The following SLC25A20 variants were observed in gnomAD, a reference collection of about 807,000 sequenced individuals.
The protein encoded by SLC25A20 is solute carrier family 25 member 20.
Under a neutral mutation model 39.7 loss-of-function variants are expected in SLC25A20, and 29 were observed. The ratio of observed to expected loss-of-function variants is 0.73; its 90% CI spans 0.54 to 1.00. The LOEUF is 1.00. SLC25A20 is among the 50% of genes least tolerant of loss of function. The pLI is 0.00. For synonymous variants in SLC25A20, 103 were observed against 142.2 expected (o/e 0.72, Z 1.96); for missense variants, 333 against 379.9 (o/e 0.88, Z 1.03).
At chr3:48,870,921 G>A (rs2083710139) in intron 4 of SLC25A20, among the ~76,000 whole-genome samples, 1 of 151,466 alleles carries the variant, frequency 6.6e-6, no homozygotes, top group African/African-American at 2.4e-5. Context: ...CCACCTCCCG[G>A]GTTAAGTGAT....
At chr3:48,896,648 T>C (rs935158341) in intron 1 of SLC25A20, among the ~76,000 whole-genome samples, 3 of 151,922 alleles carry the variant, frequency 2.0e-5, no homozygotes, top group Non-Finnish European at 4.4e-5. Flanking sequence ...TTAGCTGGGA[T>C]TACAGGCACC....
In SLC25A20 at chr3:48,858,632, C is replaced by G; in HGVS notation, c.719-1G>C. On this transcript the variant is annotated splice_acceptor_variant, in intron 7 of 8. Coordinates refer to ENST00000319017, the MANE Select transcript of SLC25A20 (RefSeq NM_000387.6). LOFTEE classifies it high-confidence loss of function. ...CCATTAGGATATTTCCCAGGAGGTG[C>G]TGTGGGGCAGAACCCAATTTTTAAG... 1 of 1,614,144 alleles carries G rather than the reference C, an allele frequency of 6.2e-7. No homozygotes were observed. The highest frequency in any genetic ancestry group is 8.5e-7 in the Non-Finnish European group (1 of 1,180,014).
chr3:48,890,255 C>T (rs1036129098), intron 2 of SLC25A20, among the ~76,000 whole-genome samples: 6 of 152,136 alleles, frequency 3.9e-5, no homozygotes, highest in African/African-American at 9.7e-5. Flanking sequence ...GGCAGGATCT[C>T]GGCTCACTGC....
Position 48,884,005 on chromosome 3 carries a change from A to G in SLC25A20, c.318T>C (p.Asp106=). ...GKKLQQKHPE[D]VLSYPQLFAA... is the part of the protein sequence containing the mutation. Reference sequence around the variant, plus strand: ...GACCTGTAAGTACTCACCTGAGCACATCTTCTGGGTGTTTCTGTTGTAGTT... The same window carrying G: ...GACCTGTAAGTACTCACCTGAGCACGTCTTCTGGGTGTTTCTGTTGTAGTT... The change falls in exon 3 of 9, where the codon GAT becomes GAC. Residue 106 remains aspartate (D), a synonymous_variant. Transcript: ENST00000319017. The G allele has an allele frequency of 6.2e-7, 1 of 1,613,636 alleles. No homozygotes were observed. Among genetic ancestry groups the G allele is most frequent in the Non-Finnish European group, 8.5e-7 (1 of 1,179,680 alleles).
intron 8 of SLC25A20, among the ~76,000 whole-genome samples, 178 bp downstream of exon 8, chr3:48,858,329 C>G (rs1010759824): frequency 6.6e-6 from 1 of 152,086 alleles, no homozygotes; most frequent in Non-Finnish European, 1.5e-5. Flanking sequence ...TCAGAGATCC[C>G]CAAAGGCAAA....
At chr3:48,891,092 C>G (rs1011091478) in intron 2 of SLC25A20, among the ~76,000 whole-genome samples, 1 of 152,112 alleles carries the variant, frequency 6.6e-6, no homozygotes, top group South Asian at 2.1e-4. Flanking sequence ...TTCTTATGAT[C>G]TCTCATCTCC....
At chr3:48,886,460 T>C (rs1355125478) in intron 2 of SLC25A20, among the ~76,000 whole-genome samples, 1 of 150,960 alleles carries the variant, frequency 6.6e-6, no homozygotes, top group African/African-American at 2.4e-5. Flanking sequence ...GAGGCGGAGG[T>C]TGCAGTGAGC....
At chr3:48,864,559 G>GTTT (rs77350745) in intron 4 of SLC25A20, among the ~76,000 whole-genome samples, 2 of 138,972 alleles carry the variant, frequency 1.4e-5, no homozygotes, top group Admixed American at 7.3e-5. Flanking sequence ...AGTATCAATG[G>GTTT]TTTTTTTTTT....
chr3:48,879,119 C>A (rs1358039728), intron 4 of SLC25A20, among the ~76,000 whole-genome samples: 8 of 152,050 alleles, frequency 5.3e-5, no homozygotes, highest in African/African-American at 1.9e-4. Context: ...GATCCATCCT[C>A]CTCGGCTCCC....
chr3:48,893,612 C>A (rs377356530), intron 1 of SLC25A20, among the ~76,000 whole-genome samples: 4 of 152,120 alleles, frequency 2.6e-5, no homozygotes, highest in South Asian at 2.1e-4. Flanking sequence ...TGGCTCACTG[C>A]CACTTTCGCC....
chr3:48,871,015 G>A (rs940557635), intron 4 of SLC25A20, among the ~76,000 whole-genome samples: 3 of 151,682 alleles, frequency 2.0e-5, no homozygotes, highest in South Asian at 2.1e-4. Context: ...TATTAGACAC[G>A]GGGTTTTGCC....
intron 3 of SLC25A20, among the ~76,000 whole-genome samples, chr3:48,883,372 A>C (rs910758634): frequency 7.2e-5 from 11 of 151,774 alleles, no homozygotes; most frequent in Non-Finnish European, 1.5e-4. Context: ...AATGTGGTGA[A>C]ACCCCCTCTC....
At chr3:48,897,395 GC>G (rs2083918383) in intron 1 of SLC25A20, among the ~76,000 whole-genome samples, 1 of 142,098 alleles carries the variant, frequency 7.0e-6, no homozygotes, top group South Asian at 2.2e-4. Context: ...TTTAAGGGCG[GC>G]CCCAGAGGCC....
rs764825892 is a variant in SLC25A20, at chr3:48,857,796, A to G, written c.844-24T>C. 10 of 1,609,186 alleles carry G rather than the reference A, an allele frequency of 6.2e-6. No individual in the cohort carries two copies. In the African/African-American group the frequency reaches 1.2e-4, roughly 19 times the overall value. On this transcript the variant is annotated intron_variant, in intron 8 of 8. Transcript: ENST00000319017. ...GCCTAAGAAGGGATTGGGAGGAAGAAAAAAGCCAGCAGGAATAACTATTCA... is the reference window on the plus strand; with the variant it reads ...GCCTAAGAAGGGATTGGGAGGAAGAGAAAAGCCAGCAGGAATAACTATTCA...
intron 4 of SLC25A20, among the ~76,000 whole-genome samples, chr3:48,867,889 C>T (rs2083684425): frequency 6.6e-6 from 1 of 151,438 alleles, no homozygotes. Context: ...GGAGAAACCC[C>T]GTCTCTACTA....
intron 4 of SLC25A20, among the ~76,000 whole-genome samples, chr3:48,872,286 A>G (rs1004457499): frequency 6.6e-6 from 1 of 151,778 alleles, no homozygotes; most frequent in Non-Finnish European, 1.5e-5. Flanking sequence ...GCACGCCACC[A>G]TGCCTGGATA....
At chr3:48,886,322 C>T (rs901587102) in intron 2 of SLC25A20, among the ~76,000 whole-genome samples, 9 of 151,950 alleles carry the variant, frequency 5.9e-5, no homozygotes, top group East Asian at 1.9e-4. Context: ...GTCGGGAGTT[C>T]GAGACCAGCC....
chr3:48,896,677 ATT>A (rs1248088167), intron 1 of SLC25A20, among the ~76,000 whole-genome samples: 1 of 144,338 alleles, frequency 6.9e-6, no homozygotes, highest in African/African-American at 2.5e-5. Context: ...CATGCAGCCA[ATT>A]TTTTTTTTTT....
intron 3 of SLC25A20, among the ~76,000 whole-genome samples, chr3:48,879,855 A>G (rs2083785882): frequency 6.6e-6 from 1 of 152,088 alleles, no homozygotes; most frequent in Non-Finnish European, 1.5e-5. Context: ...TTGTGGGGGA[A>G]GTCTCTAACC....
Sources: gnomAD v4.1 joint callset for allele counts (sites outside exome capture counted in the v4.1 genomes callset) on GRCh38, gnomAD v4.1.1 for gene constraint, MANE v1.5 for transcripts, NCBI Gene and HGNC (gene_info 2026-07-23, HGNC 2026-07-21) for gene names.